CHODL: variants seen among roughly 807,000 people sequenced by gnomAD.
The protein encoded by CHODL is transmembrane protein MT75.
A neutral mutation model predicts 34.5 loss-of-function variants in CHODL; 29 were observed. The observed-to-expected ratio is 0.84, with a 90% CI of 0.63 to 1.15. CHODL has a LOEUF of 1.15. CHODL is among the 50% of genes most tolerant of loss of function. The probability of loss-of-function intolerance (pLI) is 0.00; values close to 1 mark genes in which losing one functional copy is unlikely to be tolerated. For synonymous variants in CHODL, 125 were observed against 116.1 expected (o/e 1.08, Z -0.49); for missense variants, 332 against 332.5 (o/e 1.00, Z 0.01).
intron 1 of CHODL, among the ~76,000 whole-genome samples, chr21:17,977,788 C>T (rs1280326537): frequency 2.7e-5 from 4 of 148,508 alleles, no homozygotes; most frequent in East Asian, 2.1e-4. Flanking sequence ...GCATGGTGGC[C>T]GGCACCTGTA....
chr21:18,142,395 A>C (rs1443493853), intron 2 of CHODL, among the ~76,000 whole-genome samples: 1 of 152,172 alleles, frequency 6.6e-6, no homozygotes, highest in Non-Finnish European at 1.5e-5. Context: ...TTGGCTATGA[A>C]TATTAAAGAA....
chr21:18,090,367 G>T (rs897642666), intron 2 of CHODL, among the ~76,000 whole-genome samples: 8 of 152,154 alleles, frequency 5.3e-5, no homozygotes, highest in African/African-American at 1.9e-4. Context: ...AGAGCCTGCT[G>T]GTCAAGAAGC....
chr21:17,937,908 A>G (rs1365008682), intron 1 of CHODL, among the ~76,000 whole-genome samples: 1 of 152,186 alleles, frequency 6.6e-6, no homozygotes, highest in Admixed American at 6.5e-5. Flanking sequence ...GATAAAGAAA[A>G]CAAGGTACCT....
rs190414076 is a variant in CHODL, at chr21:17,999,511, A to G, written c.-144-28361A>G. Among the ~76,000 whole-genome samples the G allele has an allele frequency of 5.9e-3, 893 of 151,146 alleles. 11 individuals carry two copies. The highest frequency in any genetic ancestry group is 0.014 in the African/African-American group (569 of 41,286). ...AATAAACACATACGTGAAACTGTGGAAAAAAAAAGGTTTAATTGCATTTTC... is the reference window on the plus strand; with the variant it reads ...AATAAACACATACGTGAAACTGTGGGAAAAAAAAGGTTTAATTGCATTTTC... On this transcript the variant is annotated intron_variant, in intron 1 of 6. Transcript: ENST00000400127.
intron 1 of CHODL, among the ~76,000 whole-genome samples, chr21:18,019,639 T>G (rs1471916547): frequency 6.6e-6 from 1 of 152,140 alleles, no homozygotes; most frequent in Non-Finnish European, 1.5e-5. Context: ...ACTTTAAAAT[T>G]TCCTTTTACA....
intron 2 of CHODL, among the ~76,000 whole-genome samples, chr21:18,058,729 T>C (rs981234079): frequency 7.9e-5 from 12 of 152,320 alleles, no homozygotes; most frequent in South Asian, 2.1e-4. Context: ...TTCTTGGCCT[T>C]TCATGAGCTC....
intron 2 of CHODL, among the ~76,000 whole-genome samples, chr21:18,190,122 T>A (rs2146689951): frequency 6.6e-6 from 1 of 152,352 alleles, no homozygotes; most frequent in East Asian, 1.9e-4. Flanking sequence ...ATTTATGTAT[T>A]TATTATGCCC....
chr21:18,040,960 TAAAA>T (rs999359230), intron 2 of CHODL, among the ~76,000 whole-genome samples: 9 of 151,920 alleles, frequency 5.9e-5, no homozygotes, highest in African/African-American at 2.2e-4. Flanking sequence ...AGTCAGGAAA[TAAAA>T]AAAGAATTAA....
At chr21:18,144,784 C>T (rs2072848313) in intron 2 of CHODL, among the ~76,000 whole-genome samples, 1 of 151,218 alleles carries the variant, frequency 6.6e-6, no homozygotes. Context: ...TCATTGAATT[C>T]AGGAGGGCGG....
chr21:18,093,064 CA>C (rs2065093197), intron 2 of CHODL, among the ~76,000 whole-genome samples: 1 of 151,974 alleles, frequency 6.6e-6, no homozygotes, highest in African/African-American at 2.4e-5. Context: ...GGTCAAGTAT[CA>C]AAAAGGGATC....
chr21:17,939,788 GC>G lies in CHODL; in HGVS notation c.-145+22389del, dbSNP rs201363325. On this transcript the variant is annotated intron_variant, in intron 1 of 6. Coordinates refer to the CHODL transcript ENST00000400127. ...ATCTTTCCCTTTCTTTACCCTATGA[GC>G]TTTATCAAACAAGGTAGTTTCTCAT... 7.5e-3 allele frequency among the ~76,000 whole-genome samples: 1,147 copies of G among 152,238 alleles called. 19 individuals are homozygous for G. The highest frequency in any genetic ancestry group is 0.026 in the African/African-American group (1,067 of 41,550).
At chr21:18,083,869 A>C (rs2064971809) in intron 2 of CHODL, among the ~76,000 whole-genome samples, 1 of 152,166 alleles carries the variant, frequency 6.6e-6, no homozygotes, top group Admixed American at 6.5e-5. Context: ...GCCTCAGGTT[A>C]GACTTTGGAC....
intron 1 of CHODL, among the ~76,000 whole-genome samples, chr21:18,007,148 A>C (rs1000776491): frequency 6.6e-6 from 1 of 152,210 alleles, no homozygotes; most frequent in Non-Finnish European, 1.5e-5. Context: ...CTTCAAGAAA[A>C]AAAGAAAAAA....
In CHODL at chr21:18,232,962, T is replaced by TATATATATATATATAG. The variant is rs1166861868; in HGVS notation, c.-44-23537_-44-23536insATATAGATATATATAT. ...GTTATGATATATATATATATATATATATATATATATGTATATATATGACCT... is the reference window on the plus strand; with the variant it reads ...GTTATGATATATATATATATATATATATATATATATATATAGATATATATATGTATATATATGACCT... On this transcript the variant is annotated intron_variant, in intron 2 of 6. Coordinates refer to the CHODL transcript ENST00000400127. 9.1e-5 allele frequency among the ~76,000 whole-genome samples: 13 copies of TATATATATATATATAG among 142,448 alleles called. 1 individual carries two copies. The highest frequency in any genetic ancestry group is 6.9e-4 in the Admixed American group (10 of 14,522). 93.5% of individuals were successfully genotyped at this position (142,448 alleles called of 152,430 possible).
At chr21:17,983,257 A>T (rs1448354222) in intron 1 of CHODL, among the ~76,000 whole-genome samples, 3 of 152,246 alleles carry the variant, frequency 2.0e-5, no homozygotes, top group Non-Finnish European at 4.4e-5. Context: ...CACTGTGTGG[A>T]CATAGTATAT....
In CHODL at chr21:18,163,875, A is replaced by T. The variant is rs148055861; in HGVS notation, c.-44-92634A>T. Among the ~76,000 whole-genome samples, 241 of 152,218 alleles carry T rather than the reference A, an allele frequency of 1.6e-3. 2 individuals are homozygous for T. The highest frequency in any genetic ancestry group is 5.6e-3 in the African/African-American group (232 of 41,524). On this transcript the variant is annotated intron_variant, in intron 2 of 6. Coordinates refer to the CHODL transcript ENST00000400127. Reference sequence around the variant, plus strand: ...TGATCAATCAACCACAGCTAAACACATGTTATCATTTTACTGATCCCCAGT... The same window carrying T: ...TGATCAATCAACCACAGCTAAACACTTGTTATCATTTTACTGATCCCCAGT...
At chr21:18,181,717 C>A (rs559115673) in intron 2 of CHODL, among the ~76,000 whole-genome samples, 1 of 152,270 alleles carries the variant, frequency 6.6e-6, no homozygotes, top group East Asian at 1.9e-4. Context: ...CTCCCTCCTC[C>A]TAGGCAACCA....
At chr21:18,128,909 C>CT (rs1012409872) in intron 2 of CHODL, among the ~76,000 whole-genome samples, 3 of 152,028 alleles carry the variant, frequency 2.0e-5, no homozygotes, top group African/African-American at 7.2e-5. Flanking sequence ...GTATATAGTT[C>CT]TTTTATCTCT....
At chr21:18,212,448 A>G (rs1337707456) in intron 2 of CHODL, among the ~76,000 whole-genome samples, 4 of 152,134 alleles carry the variant, frequency 2.6e-5, no homozygotes, top group African/African-American at 7.2e-5. Context: ...CTTATTTTTA[A>G]AGCCTATACC....
Sources: gnomAD v4.1 joint callset for allele counts (sites outside exome capture counted in the v4.1 genomes callset) on GRCh38, gnomAD v4.1.1 for gene constraint, MANE v1.5 for transcripts, NCBI Gene and HGNC (gene_info 2026-07-23, HGNC 2026-07-21) for gene names.